ZNF319: variants seen among roughly 807,000 people sequenced by gnomAD.
ZNF319 encodes zinc finger protein 319.
In ZNF319, 15 loss-of-function variants were observed where a neutral mutation model predicts 46.0. That is an observed-to-expected ratio of 0.33 (90% CI 0.22 to 0.50). The LOEUF is 0.50. Ranked by LOEUF, ZNF319 falls within the 20% of genes least tolerant of loss-of-function variation. The probability of loss-of-function intolerance (pLI) is 0.98; values close to 1 mark genes in which losing one functional copy is unlikely to be tolerated. For synonymous variants in ZNF319, 368 were observed against 364.0 expected (o/e 1.01, Z -0.13); for missense variants, 635 against 807.0 (o/e 0.79, Z 2.58).
At position 57,996,377 on chromosome 16, in the gene ZNF319, G is replaced by A. The variant is rs1199285974; in HGVS notation, c.*140C>T. The A allele has an allele frequency of 4.9e-6, 7 of 1,420,970 alleles. No individual in the cohort carries two copies. The highest frequency in any genetic ancestry group is 5.1e-5 in the East Asian group (2 of 39,594). The allele number at this position is 1,420,970 out of a possible 1,614,324, so 88.0% of individuals were successfully genotyped here. A position where few individuals can be genotyped will look rare whatever the true frequency, so the allele number is the denominator to read the frequency against. On this transcript the variant is annotated 3_prime_UTR_variant, in exon 2 of 2. Coordinates refer to ENST00000299237, the MANE Select transcript of ZNF319 (RefSeq NM_020807.3). The stretch of plus-strand genomic sequence containing the variant: ...CCCTCTCCCTGCCTCATACCCCTGC[G>A]TCCTCACTCCCGAGGTCTCAGAACA...
Position 57,996,286 on chromosome 16 carries a change from T to C in ZNF319, c.*231A>G, listed in dbSNP as rs1021391058. On this transcript the variant is annotated 3_prime_UTR_variant, in exon 2 of 2. Coordinates refer to ENST00000299237, the MANE Select transcript of ZNF319 (RefSeq NM_020807.3). ...TGTCATGGGAAAGAGGTTTGTGGAA[T>C]CAGGATGGGCCACAGCAATCTGGCC... The C allele has an allele frequency of 2.9e-6, 2 of 693,004 alleles. No homozygotes were observed. Among genetic ancestry groups the C allele is most frequent in the African/African-American group, 3.6e-5 (2 of 54,924 alleles). The allele number at this position is 693,004 out of a possible 1,614,324, so 42.9% of individuals were successfully genotyped here. A position where few individuals can be genotyped will look rare whatever the true frequency, so the allele number is the denominator to read the frequency against.
At position 57,997,786 on chromosome 16, in the gene ZNF319, A is replaced by G. The variant is rs1963054761; in HGVS notation, c.480T>C (p.Cys160=). Residue 160 remains cysteine (C), a synonymous_variant, in exon 2 of 2, where the codon TGT becomes TGC. Transcript: ENST00000299237. The stretch of plus-strand genomic sequence containing the variant: ...GCTTGTAGGTCTTTTCACAGATGGA[A>G]CACTTCACCAGGCCACTGTGGGAGC... ...HHSSHSGLVK[C]SICEKTYKPA... is the part of the protein sequence containing the mutation. 3 of 1,612,784 alleles carry G rather than the reference A, an allele frequency of 1.9e-6. No individual in the cohort carries two copies. Among genetic ancestry groups the G allele is most frequent in the African/African-American group, 1.3e-5 (1 of 74,920 alleles).
rs966053226 is a variant in ZNF319, at chr16:57,996,273, G to A, written c.*244C>T. 17 of 599,928 alleles carry A rather than the reference G, an allele frequency of 2.8e-5. No homozygotes were observed. The highest frequency in any genetic ancestry group is 2.6e-4 in the African/African-American group (14 of 52,934). 37.2% of individuals were successfully genotyped at this position (599,928 alleles called of 1,614,324 possible). A position where few individuals can be genotyped will look rare whatever the true frequency, so the allele number is the denominator to read the frequency against. ...AGAAAGTGAATCTTGTCATGGGAAA[G>A]AGGTTTGTGGAATCAGGATGGGCCA... On this transcript the variant is annotated 3_prime_UTR_variant, in exon 2 of 2. Coordinates refer to ENST00000299237, the MANE Select transcript of ZNF319 (RefSeq NM_020807.3).
At position 57,995,045 on chromosome 16, in the gene ZNF319, G is replaced by A. The variant is rs1962986210; in HGVS notation, c.*1472C>T. Reference sequence around the variant, plus strand: ...CGTGGCTGGTCAGCCTTCTTACGGTGACAGAGAAGCATGGTGGCATCTCCC... The same window carrying A: ...CGTGGCTGGTCAGCCTTCTTACGGTAACAGAGAAGCATGGTGGCATCTCCC... On this transcript the variant is annotated 3_prime_UTR_variant, in exon 2 of 2. Coordinates refer to ENST00000299237, the MANE Select transcript of ZNF319 (RefSeq NM_020807.3). The A allele has an allele frequency of 6.6e-6, 1 of 152,222 alleles. No homozygotes were observed. The highest frequency in any genetic ancestry group is 1.5e-5 in the Non-Finnish European group (1 of 68,060). 9.4% of individuals were successfully genotyped at this position (152,222 alleles called of 1,614,324 possible). A position where few individuals can be genotyped will look rare whatever the true frequency, so the allele number is the denominator to read the frequency against.
chr16:57,998,923 G>A (rs1286084531), intron 1 of ZNF319, among the ~76,000 whole-genome samples: 2 of 152,096 alleles, frequency 1.3e-5, no homozygotes, highest in South Asian at 2.1e-4. Flanking sequence ...GTCTTAATAC[G>A]GGCCACACCA....
At position 57,996,866 on chromosome 16, in the gene ZNF319, A is replaced by C; in HGVS notation, c.1400T>G (p.Phe467Cys). The C allele has an allele frequency of 2.5e-6, 4 of 1,603,802 alleles. No homozygotes were observed. The highest frequency in any genetic ancestry group is 3.4e-6 in the Non-Finnish European group (4 of 1,178,516). ...CTGCACGAACTCGGAAGAGGAGAAG[A>C]AGCGGCGTTCGCAAAGCGTGCAGCG... ...PLRCTLCERRFFSSSEFVQHR... is the reference protein window; with the variant it reads ...PLRCTLCERRCFSSSEFVQHR... The change falls in exon 2 of 2, where the codon TTC becomes TGC. Residue 467 changes from phenylalanine to cysteine, a missense_variant. Physicochemically the swap from Phe to Cys is radical, Grantham distance 205. This residue lies in a region of ZNF319 where 270 missense variants were observed against 281.4 expected (regional missense o/e 0.96). Coordinates refer to ENST00000299237, the MANE Select transcript of ZNF319 (RefSeq NM_020807.3).
In ZNF319 at chr16:57,994,858, T is replaced by A. The variant is rs1290498988; in HGVS notation, c.*1659A>T. The A allele has an allele frequency of 1.3e-5, 2 of 152,272 alleles. No individual in the cohort carries two copies. The highest frequency in any genetic ancestry group is 6.5e-5 in the Admixed American group (1 of 15,282). The allele number at this position is 152,272 out of a possible 1,614,324, so 9.4% of individuals were successfully genotyped here. ...TGTTATGAATAGTATAACAAACTGC[T>A]TTCAGAAAGCAAAATGAAAGGAAAA... On this transcript the variant is annotated 3_prime_UTR_variant, in exon 2 of 2. Transcript: ENST00000299237.
rs1231702703 is a variant in ZNF319 at position 57,997,977 on chromosome 16, G to A, written c.289C>T (p.Leu97=). 6.2e-7 allele frequency: 1 copy of A among 1,613,532 alleles called. No individual in the cohort carries two copies. Among genetic ancestry groups the A allele is most frequent in the Non-Finnish European group, 8.5e-7 (1 of 1,180,050 alleles). ...TGGAATGAGCGGTCATGGCCCGCCA[G>A]ACACTGGTGCTCATGCGGACTGGAC... ...HLSSPHEHQC[L]AGHDRSFQCT... Residue 97 remains leucine, a synonymous_variant, in exon 2 of 2, where the codon CTG becomes TTG. Coordinates refer to ENST00000299237, the MANE Select transcript of ZNF319 (RefSeq NM_020807.3).
Position 57,997,940 on chromosome 16 carries a change from C to T in ZNF319, c.326G>A (p.Cys109Tyr). 2 of 1,613,570 alleles carry T rather than the reference C, an allele frequency of 1.2e-6. No individual in the cohort carries two copies. Among genetic ancestry groups the T allele is most frequent in the African/African-American group, 1.3e-5 (1 of 75,066 alleles). Reference protein sequence around the residue: ...GHDRSFQCTQCLKIFHQATDL... With the variant: ...GHDRSFQCTQYLKIFHQATDL... ...AGTGGCCTGGTGGAAGATCTTGAGA[C>T]ACTGTGTGCACTGGAATGAGCGGTC... Residue 109 changes from cysteine to tyrosine, a missense_variant, in exon 2 of 2, where the codon TGT becomes TAT. Coordinates refer to ENST00000299237, the MANE Select transcript of ZNF319 (RefSeq NM_020807.3).
rs1177843778 is a variant in ZNF319 at position 57,996,853 on chromosome 16, G to C, written c.1413C>G (p.Ser471=). 1.9e-6 allele frequency: 3 copies of C among 1,605,090 alleles called. No homozygotes were observed. The highest frequency in any genetic ancestry group is 8.5e-7 in the Non-Finnish European group (1 of 1,178,434). The part of the protein sequence containing the change: ...TLCERRFFSS[S]EFVQHRCDPA... ...GATCGCAGCGGTGCTGCACGAACTC[G>C]GAAGAGGAGAAGAAGCGGCGTTCGC... Residue 471 remains serine (S), a synonymous_variant, in exon 2 of 2, where the codon TCC becomes TCG. Coordinates refer to ENST00000299237, the MANE Select transcript of ZNF319 (RefSeq NM_020807.3).
chr16:57,997,395 C>G lies in ZNF319; in HGVS notation c.871G>C (p.Val291Leu). 6.2e-7 allele frequency: 1 copy of G among 1,612,166 alleles called. No individual in the cohort carries two copies. Among genetic ancestry groups the G allele is most frequent in the African/African-American group, 1.3e-5 (1 of 75,034 alleles). Residue 291 changes from valine (V) to leucine (L), a missense_variant, in exon 2 of 2, where the codon GTG (valine) becomes CTG (leucine). Around this residue, in one of 3 missense-constraint regions of ZNF319, gnomAD observed 138 missense variants for 248.0 expected, o/e 0.56. Transcript: ENST00000299237. ...GACTCCTTGAAATGCAACTCGCACACGTTGCAGCGGAACAGGTGGTGCTCG... is the reference window on the plus strand; with the variant it reads ...GACTCCTTGAAATGCAACTCGCACAGGTTGCAGCGGAACAGGTGGTGCTCG... The part of the protein sequence containing the change: ...SGEHHLFRCN[V>L]CELHFKESSE...
At position 57,997,993 on chromosome 16, in the gene ZNF319, C is replaced by G; in HGVS notation, c.273G>C (p.Pro91=). 3 of 1,613,230 alleles carry G rather than the reference C, an allele frequency of 1.9e-6. No homozygotes were observed. Among genetic ancestry groups the G allele is most frequent in the Non-Finnish European group, 2.5e-6 (3 of 1,180,040 alleles). Residue 91 remains proline (P), a synonymous_variant, in exon 2 of 2, where the codon CCG becomes CCC. Coordinates refer to ENST00000299237, the MANE Select transcript of ZNF319 (RefSeq NM_020807.3). ...GGCCCGCCAGACACTGGTGCTCATG[C>G]GGACTGGACAGGTGCGCCAGGTCGT... is the stretch of plus-strand genomic sequence containing the variant. ...CGHDLAHLSS[P]HEHQCLAGHD... is the part of the protein sequence containing the mutation.
In ZNF319 at chr16:57,997,089, G is replaced by C; in HGVS notation, c.1177C>G (p.His393Asp). 1 of 1,614,024 alleles carries C rather than the reference G, an allele frequency of 6.2e-7. No homozygotes were observed. The highest frequency in any genetic ancestry group is 1.1e-5 in the South Asian group (1 of 91,090). ...CACTTGAAGAGAGTCTCGAGGGTGT[G>C]CACGTGCTGGTGGTAGAGCAGGTGG... The part of the protein sequence containing the change: ...PSHLLYHQHV[H>D]TLETLFKCPV... The change falls in exon 2 of 2, where the codon CAC (histidine) becomes GAC (aspartate). Residue 393 changes from histidine (H) to aspartate (D), a missense_variant. His to Asp is a moderately conservative substitution (Grantham distance 81). Coordinates refer to ENST00000299237, the MANE Select transcript of ZNF319 (RefSeq NM_020807.3).
At chr16:57,998,599 GC>G in intron 1 of ZNF319, 77 bp from the exon 2 acceptor site, 2 of 256,092 alleles carry the variant, frequency 7.8e-6, no homozygotes, top group South Asian at 1.2e-4. Context: ...TGTCCTGCCC[GC>G]ACTCACCACA....
rs974672307 is a variant in ZNF319, at chr16:57,997,525, G to A, written c.741C>T (p.His247=). 1.2e-6 allele frequency: 2 copies of A among 1,613,654 alleles called. No individual in the cohort carries two copies. Among genetic ancestry groups the A allele is most frequent in the Middle Eastern group, 1.7e-4 (1 of 6,060 alleles). ...GCTCGGAGCTGTGCGTGCGCTTGTG[G>A]TGCACCAGGTGCGACGACTGGCTGA... The part of the protein sequence containing the change: ...KSFSQSSHLV[H]HKRTHSSERP... The change falls in exon 2 of 2, where the codon CAC becomes CAT. Residue 247 remains histidine (H), a synonymous_variant. Coordinates refer to ENST00000299237, the MANE Select transcript of ZNF319 (RefSeq NM_020807.3).
rs1298064247 is a variant in ZNF319 at position 57,998,344 on chromosome 16, C to T, written c.-79G>A. The T allele has an allele frequency of 2.0e-6, 3 of 1,508,334 alleles. No homozygotes were observed. The highest frequency in any genetic ancestry group is 1.4e-5 in the African/African-American group (1 of 71,506). The allele number at this position is 1,508,334 out of a possible 1,614,324, so 93.4% of individuals were successfully genotyped here. On this transcript the variant is annotated 5_prime_UTR_variant, in exon 2 of 2. Coordinates refer to ENST00000299237, the MANE Select transcript of ZNF319 (RefSeq NM_020807.3). ...ACGTGACCCAATCCAGAGAGAGAAG[C>T]TGCCCAATCACAGAGATGGACAAGG...
rs749584001 is a variant in ZNF319 at position 57,997,002 on chromosome 16, C to T, written c.1264G>A (p.Gly422Ser). 4 of 1,601,222 alleles carry T rather than the reference C, an allele frequency of 2.5e-6. No individual in the cohort carries two copies. The highest frequency in any genetic ancestry group is 2.3e-5 in the East Asian group (1 of 44,386). Reference sequence around the variant, plus strand: ...CACTTGAAGGGCCGCTCGGCCGCGCCGGGCAGGCACTTGTGCCGCAGCAGC... The same window carrying T: ...CACTTGAAGGGCCGCTCGGCCGCGCTGGGCAGGCACTTGTGCCGCAGCAGC... Reference protein sequence around the residue: ...AELLRHKCLPGAAERPFKCPV... With the variant: ...AELLRHKCLPSAAERPFKCPV... The change falls in exon 2 of 2, where the codon GGC becomes AGC. Residue 422 changes from glycine (G) to serine (S), a missense_variant. Transcript: ENST00000299237.
At position 57,997,208 on chromosome 16, in the gene ZNF319, T is replaced by C. The variant is rs1963037758; in HGVS notation, c.1058A>G (p.Lys353Arg). 1.2e-6 allele frequency: 2 copies of C among 1,613,452 alleles called. No homozygotes were observed. Among genetic ancestry groups the C allele is most frequent in the African/African-American group, 1.3e-5 (1 of 74,932 alleles). ...FKCDLCPMGF[K>R]QQYALMRHRR... is the part of the protein sequence containing the mutation. ...GTGGCGCATCAGTGCGTACTGCTGCTTGAAGCCCATGGGGCACAGGTCGCA... is the reference window on the plus strand; with the variant it reads ...GTGGCGCATCAGTGCGTACTGCTGCCTGAAGCCCATGGGGCACAGGTCGCA... The change falls in exon 2 of 2, where the codon AAG (lysine) becomes AGG (arginine). Residue 353 changes from lysine to arginine, a missense_variant. Lys to Arg is a conservative substitution (Grantham distance 26). Transcript: ENST00000299237.
intron 1 of ZNF319, 67 bp from the exon 2 acceptor site, chr16:57,998,589 T>A (rs890794263): frequency 5.5e-5 from 15 of 270,878 alleles, no homozygotes; most frequent in South Asian, 2.1e-4. Flanking sequence ...GCCTTCTCCC[T>A]GTCCTGCCCG....
Sources: gnomAD v4.1 joint callset for allele counts (sites outside exome capture counted in the v4.1 genomes callset) on GRCh38, gnomAD v4.1.1 for gene constraint, gnomAD v4.1.1 regional missense constraint, MANE v1.5 for transcripts, NCBI Gene and HGNC (gene_info 2026-07-23, HGNC 2026-07-21) for gene names.